Variants in UBE2O observed in about 807,000 individuals in gnomAD.
UBE2O encodes (E3-independent) E2 ubiquitin-conjugating enzyme.
A neutral mutation model predicts 125.8 loss-of-function variants in UBE2O; 15 were observed. The observed-to-expected ratio is 0.12, with a 90% CI of 0.08 to 0.18. UBE2O has a LOEUF of 0.18. Ranked by LOEUF, UBE2O falls within the 10% of genes least tolerant of loss-of-function variation. The pLI, the probability that UBE2O is intolerant of heterozygous loss-of-function variation, is 1.00. For synonymous variants in UBE2O, 708 were observed against 703.2 expected (o/e 1.01, Z -0.11); for missense variants, 1,280 against 1,723.6 (o/e 0.74, Z 4.56).
intron 1 of UBE2O, among the ~76,000 whole-genome samples, chr17:76,417,624 G>A (rs1014557091): frequency 6.6e-6 from 1 of 152,132 alleles, no homozygotes; most frequent in Non-Finnish European, 1.5e-5. Context: ...GAGTGCACTG[G>A]GTGGCTGAAC....
chr17:76,395,690 G>A lies in UBE2O; in HGVS notation c.2946+35C>T, dbSNP rs771918334. On this transcript the variant is annotated intron_variant, in intron 15 of 17. Transcript: ENST00000319380. The surrounding 1 kb of genome is among the most constrained non-coding windows in gnomAD (Gnocchi z 5.0). ...CTCTTGGGCACTGGGTGCCCACACA[G>A]CACATCTGCACCTGCCCATGCCAAG... is the stretch of plus-strand genomic sequence containing the variant. The A allele has an allele frequency of 1.5e-5, 24 of 1,595,146 alleles. No individual in the cohort carries two copies. Among genetic ancestry groups the A allele is most frequent in the Non-Finnish European group, 2.0e-5 (24 of 1,170,974 alleles).
At chr17:76,419,516 G>A (rs747459850) in intron 1 of UBE2O, among the ~76,000 whole-genome samples, 2 of 152,036 alleles carry the variant, frequency 1.3e-5, no homozygotes, top group Non-Finnish European at 2.9e-5. Context: ...CCCACCCTTC[G>A]GCACTCCCTG....
At position 76,400,309 on chromosome 17, in the gene UBE2O, A is replaced by C; in HGVS notation, c.1005-12T>G. The C allele has an allele frequency of 1.2e-6, 2 of 1,612,728 alleles. No individual in the cohort carries two copies. Among genetic ancestry groups the C allele is most frequent in the Non-Finnish European group, 8.5e-7 (1 of 1,179,154 alleles). On this transcript the variant is annotated splice_polypyrimidine_tract_variant and intron_variant, in intron 7 of 17. Transcript: ENST00000319380. The surrounding 1 kb of genome is among the most constrained non-coding windows in gnomAD (Gnocchi z 4.3). Reference sequence around the variant, plus strand: ...CGAGACGCTTCACCCTGGTTGGGGAAGAAGTGGGGGTGAGCTGGGCTGGAC... The same window carrying C: ...CGAGACGCTTCACCCTGGTTGGGGACGAAGTGGGGGTGAGCTGGGCTGGAC...
intron 1 of UBE2O, among the ~76,000 whole-genome samples, chr17:76,444,667 C>T (rs544800598): frequency 3.4e-4 from 51 of 152,218 alleles, no homozygotes; most frequent in South Asian, 4.2e-4. Context: ...TGACTGAAGG[C>T]GAGAGCAGGT....
intron 1 of UBE2O, among the ~76,000 whole-genome samples, chr17:76,407,847 C>A (rs1212231066): frequency 2.6e-5 from 4 of 152,238 alleles, no homozygotes; most frequent in African/African-American, 9.6e-5. Context: ...CTCCACCTCA[C>A]CAGGATGCTG....
intron 1 of UBE2O, among the ~76,000 whole-genome samples, chr17:76,440,514 G>T (rs943828808): frequency 6.6e-6 from 1 of 152,214 alleles, no homozygotes; most frequent in Non-Finnish European, 1.5e-5. Context: ...TTTTTGAAGA[G>T]ATGGGGTTTC....
In UBE2O at chr17:76,452,711, C is replaced by G; in HGVS notation, c.417+14G>C. The G allele has an allele frequency of 7.2e-7, 1 of 1,386,916 alleles. No homozygotes were observed. The highest frequency in any genetic ancestry group is 9.3e-7 in the Non-Finnish European group (1 of 1,079,704). 85.9% of individuals were successfully genotyped at this position (1,386,916 alleles called of 1,614,324 possible). On this transcript the variant is annotated intron_variant, in intron 1 of 17. Transcript: ENST00000319380. This position sits in a 1 kb window ranked among gnomAD's most constrained non-coding sequence, Gnocchi z 4.4. ...CCCCTGCCGCCCGCGCCGCCCAGCC[C>G]CCGCCCGCCGCACCTTGGTCTCCTT... is the stretch of plus-strand genomic sequence containing the variant.
chr17:76,435,989 G>A (rs1167347380), intron 1 of UBE2O, among the ~76,000 whole-genome samples: 1 of 152,242 alleles, frequency 6.6e-6, no homozygotes, highest in Non-Finnish European at 1.5e-5. Context: ...GCTCACGCCT[G>A]TAATCCTAGC....
intron 1 of UBE2O, among the ~76,000 whole-genome samples, chr17:76,449,119 C>G (rs2073194425): frequency 6.6e-6 from 1 of 152,252 alleles, no homozygotes; most frequent in Non-Finnish European, 1.5e-5. Context: ...AGGGAAAGGA[C>G]ATGACTTGCT....
At chr17:76,412,478 G>A (rs544488832) in intron 1 of UBE2O, among the ~76,000 whole-genome samples, 37 of 152,224 alleles carry the variant, frequency 2.4e-4, no homozygotes, top group African/African-American at 8.9e-4. Flanking sequence ...GTGGCCAACT[G>A]GGGGTGTGGG....
intron 1 of UBE2O, among the ~76,000 whole-genome samples, chr17:76,424,561 C>T (rs956762991): frequency 8.5e-5 from 13 of 152,048 alleles, no homozygotes; most frequent in East Asian, 3.9e-4. Flanking sequence ...TGGATATATA[C>T]TGAGTTAAAT....
At chr17:76,401,180 G>C (rs373607363) in intron 5 of UBE2O, 26 bp from the exon 6 acceptor site, 16 of 1,611,040 alleles carry the variant, frequency 9.9e-6, no homozygotes, top group Middle Eastern at 3.3e-4. Flanking sequence ...CCAAAGGAAA[G>C]TCCCCGTGAG....
intron 15 of UBE2O, 92 bp from the exon 16 acceptor site, chr17:76,392,205 C>T: frequency 1.3e-6 from 1 of 781,142 alleles, no homozygotes; most frequent in Non-Finnish European, 2.0e-6. Context: ...TGCTCTTTCC[C>T]AGGACACTGT....
intron 1 of UBE2O, among the ~76,000 whole-genome samples, chr17:76,435,417 T>TACACACACAC (rs59781051): frequency 0.012 from 1,205 of 96,414 alleles, 8 homozygotes; most frequent in East Asian, 0.034. Flanking sequence ...CACACACACA[T>TACACACACAC]ACACACACAC....
intron 1 of UBE2O, among the ~76,000 whole-genome samples, chr17:76,416,002 C>T (rs954940820): frequency 4.4e-5 from 6 of 134,924 alleles, no homozygotes; most frequent in East Asian, 4.0e-4. Flanking sequence ...CACGTATATA[C>T]GTATGTGTAT....
chr17:76,447,116 A>C (rs933976483), intron 1 of UBE2O, among the ~76,000 whole-genome samples: 4 of 152,204 alleles, frequency 2.6e-5, no homozygotes, highest in African/African-American at 9.7e-5. Flanking sequence ...TATTACACTA[A>C]GACTTTCAAC....
intron 1 of UBE2O, among the ~76,000 whole-genome samples, chr17:76,431,419 G>C (rs929225061): frequency 2.0e-5 from 3 of 152,188 alleles, no homozygotes; most frequent in Admixed American, 2.0e-4. Flanking sequence ...GGGAGGCTGA[G>C]GCAGGAGAAT....
chr17:76,444,845 AT>A (rs1470504794), intron 1 of UBE2O, among the ~76,000 whole-genome samples: 1 of 152,220 alleles, frequency 6.6e-6, no homozygotes, highest in Non-Finnish European at 1.5e-5. Context: ...GAGCACATGA[AT>A]ACCGGGATGC....
chr17:76,446,860 A>G (rs16968960), intron 1 of UBE2O, among the ~76,000 whole-genome samples: 40,576 of 152,202 alleles, frequency 0.27, 6,042 homozygotes, highest in East Asian at 0.49. Context: ...TGCTTCATTC[A>G]ACATTGAGGG....
Sources: allele counts gnomAD v4.1 joint callset (sites outside exome capture counted in the v4.1 genomes callset), GRCh38; gene constraint gnomAD v4.1.1; non-coding constraint Gnocchi (gnomAD v3.1); transcripts MANE v1.5; gene names NCBI Gene and HGNC (gene_info 2026-07-23, HGNC 2026-07-21).